The following HDAC9 variants were observed in gnomAD, a reference collection of about 807,000 sequenced individuals.
The protein encoded by HDAC9 is histone deacetylase 9, also known as MEF-2 interacting transcription repressor (MITR) protein.
A neutral mutation model predicts 139.4 loss-of-function variants in HDAC9; 41 were observed. The observed-to-expected ratio is 0.29, with a 90% CI of 0.23 to 0.38. The LOEUF (loss-of-function observed/expected upper bound fraction) is 0.38. HDAC9 is among the 10% of genes least tolerant of loss of function. The probability of loss-of-function intolerance (pLI) is 1.00; values close to 1 mark genes in which losing one functional copy is unlikely to be tolerated. For missense variants in HDAC9, 1,147 were observed against 1,297.0 expected (o/e 0.88, Z 1.78); for synonymous variants, 517 against 476.2 (o/e 1.09, Z -1.12).
intron 1 of HDAC9, among the ~76,000 whole-genome samples, chr7:18,108,923 T>A (rs1783421030): frequency 2.0e-5 from 3 of 152,066 alleles, no homozygotes; most frequent in Admixed American, 2.0e-4. Context: ...CTGGCCACAC[T>A]CGTCTCTTAT....
At chr7:18,240,368 A>G (rs1794112235) in intron 2 of HDAC9, among the ~76,000 whole-genome samples, 1 of 152,110 alleles carries the variant, frequency 6.6e-6, no homozygotes, top group African/African-American at 2.4e-5. Context: ...ATTTTCCCCT[A>G]TGGAAAAAGT....
chr7:18,598,831 G>A (rs528774445), intron 6 of HDAC9, among the ~76,000 whole-genome samples: 1 of 152,204 alleles, frequency 6.6e-6, no homozygotes, highest in Non-Finnish European at 1.5e-5. Flanking sequence ...CTGTCAAAAT[G>A]AGGGTAAAGT....
At chr7:18,911,421 CT>C (rs1802731234) in intron 22 of HDAC9, among the ~76,000 whole-genome samples, 1 of 151,434 alleles carries the variant, frequency 6.6e-6, no homozygotes, top group African/African-American at 2.4e-5. Context: ...GTCTCCTTTT[CT>C]TAGTCTAGCT....
intron 12 of HDAC9, among the ~76,000 whole-genome samples, chr7:18,710,761 A>C (rs1784286581): frequency 6.6e-6 from 1 of 152,196 alleles, no homozygotes; most frequent in African/African-American, 2.4e-5. Context: ...CTAACAAGGA[A>C]AGCCGCTGAA....
At chr7:18,295,638 A>C (rs1798093186) in intron 1 of HDAC9, among the ~76,000 whole-genome samples, 1 of 152,160 alleles carries the variant, frequency 6.6e-6, no homozygotes, top group South Asian at 2.1e-4. Context: ...TGGAAGTGCA[A>C]AAGTACTTGA....
chr7:18,306,906 A>C (rs1798949590), intron 1 of HDAC9, among the ~76,000 whole-genome samples: 1 of 149,824 alleles, frequency 6.7e-6, no homozygotes. Context: ...CTGTTTCCAA[A>C]CTCCCTCATG....
intron 12 of HDAC9, among the ~76,000 whole-genome samples, chr7:18,714,915 G>A (rs921850405): frequency 2.6e-5 from 4 of 152,104 alleles, no homozygotes; most frequent in Non-Finnish European, 5.9e-5. Context: ...ATATACGAAT[G>A]AAAGAATGAG....
chr7:18,089,285 G>A (rs1360904036), intron 1 of HDAC9, among the ~76,000 whole-genome samples: 1 of 152,074 alleles, frequency 6.6e-6, no homozygotes, highest in East Asian at 1.9e-4. Context: ...TTATTGGAGA[G>A]TCAGACCAGC....
intron 22 of HDAC9, among the ~76,000 whole-genome samples, chr7:18,906,047 TC>T (rs761468929): frequency 6.6e-6 from 1 of 151,572 alleles, no homozygotes; most frequent in Non-Finnish European, 1.5e-5. Context: ...CTCTTTTCTA[TC>T]CTTTCTTTTC....
At chr7:18,435,691 A>G (rs970440006) in intron 1 of HDAC9, among the ~76,000 whole-genome samples, 1 of 151,354 alleles carries the variant, frequency 6.6e-6, no homozygotes, top group African/African-American at 2.4e-5. Context: ...TTTAGAATCA[A>G]CTTATTGTGA....
chr7:18,696,863 AAACAG>A (rs1233477446), intron 12 of HDAC9, among the ~76,000 whole-genome samples: 1 of 151,994 alleles, frequency 6.6e-6, no homozygotes, highest in Non-Finnish European at 1.5e-5. Flanking sequence ...GGCACTTATC[AAACAG>A]AACAGAACAG....
chr7:18,718,328 T>C (rs1203212332), intron 12 of HDAC9, among the ~76,000 whole-genome samples: 1 of 152,076 alleles, frequency 6.6e-6, no homozygotes, highest in Non-Finnish European at 1.5e-5. Context: ...GCCTTCCAGG[T>C]TCAAGCAATT....
chr7:18,275,044 A>T (rs1464105950), intron 2 of HDAC9, among the ~76,000 whole-genome samples: 1 of 152,214 alleles, frequency 6.6e-6, no homozygotes, highest in African/African-American at 2.4e-5. Context: ...AGGCATGTAT[A>T]TCCAGATGAT....
intron 1 of HDAC9, among the ~76,000 whole-genome samples, chr7:18,427,700 C>CTT (rs1248522301): frequency 2.8e-5 from 4 of 143,914 alleles, no homozygotes; most frequent in Admixed American, 7.0e-5. Context: ...CTTTCTTCTT[C>CTT]TTTTTTTTTT....
At chr7:18,178,994 G>A (rs1789177281) in intron 2 of HDAC9, among the ~76,000 whole-genome samples, 1 of 152,188 alleles carries the variant, frequency 6.6e-6, no homozygotes, top group Admixed American at 6.5e-5. Flanking sequence ...TGTGTTTTTG[G>A]CTTCATTATT....
chr7:18,765,404 G>T (rs756112273), intron 15 of HDAC9, among the ~76,000 whole-genome samples: 81 of 151,972 alleles, frequency 5.3e-4, no homozygotes, highest in Non-Finnish European at 1.0e-3. Flanking sequence ...GGAGGATCAC[G>T]AGGTCAGGAG....
At chr7:18,229,529 A>G (rs1318548983) in intron 2 of HDAC9, among the ~76,000 whole-genome samples, 1 of 152,212 alleles carries the variant, frequency 6.6e-6, no homozygotes, top group East Asian at 1.9e-4. Flanking sequence ...CACAGTTTCC[A>G]TCAATCATAT....
intron 17 of HDAC9, among the ~76,000 whole-genome samples, chr7:18,826,543 T>G (rs1363948363): frequency 6.6e-6 from 1 of 152,156 alleles, no homozygotes; most frequent in Admixed American, 6.5e-5. Flanking sequence ...TCAGAAATAG[T>G]TTAGCAGAAT....
At chr7:18,762,559 T>C (rs1789483495) in intron 15 of HDAC9, among the ~76,000 whole-genome samples, 2 of 152,226 alleles carry the variant, frequency 1.3e-5, no homozygotes, top group African/African-American at 4.8e-5. Flanking sequence ...AAAACTACAT[T>C]GCTGAATTTA....
Sources: gnomAD v4.1 joint callset for allele counts (sites outside exome capture counted in the v4.1 genomes callset) on GRCh38, gnomAD v4.1.1 for gene constraint, MANE v1.5 for transcripts, NCBI Gene and HGNC (gene_info 2026-07-23, HGNC 2026-07-21) for gene names.